Variants in PTPRA observed in about 807,000 individuals in gnomAD.
PTPRA encodes the protein protein tyrosine phosphatase receptor type A, also known as receptor-type tyrosine-protein phosphatase alpha.
A neutral mutation model predicts 104.8 loss-of-function variants in PTPRA; 25 were observed. The ratio of observed to expected loss-of-function variants is 0.24; its 90% CI spans 0.17 to 0.33. The LOEUF (loss-of-function observed/expected upper bound fraction) is 0.33. Ranked by LOEUF, PTPRA falls within the 10% of genes least tolerant of loss-of-function variation. The pLI is 1.00. For synonymous variants in PTPRA, 323 were observed against 368.9 expected, an observed-to-expected ratio of 0.88 and a Z score of 1.43; for missense variants, 765 against 1,015.3, an observed-to-expected ratio of 0.75 and a Z score of 3.35.
chr20:2,984,941 C>T (rs2062838875), intron 6 of PTPRA, among the ~76,000 whole-genome samples: 1 of 152,184 alleles, frequency 6.6e-6, no homozygotes. Flanking sequence ...CTTTCTCTCT[C>T]CCCACCCTGC....
chr20:2,976,135 G>A (rs2062422655), intron 6 of PTPRA, among the ~76,000 whole-genome samples: 1 of 152,158 alleles, frequency 6.6e-6, no homozygotes, highest in African/African-American at 2.4e-5. Context: ...GAATAGTGAG[G>A]TGTTACCATA....
chr20:2,989,403 G>A (rs1389449034), intron 9 of PTPRA, among the ~76,000 whole-genome samples: 3 of 152,112 alleles, frequency 2.0e-5, no homozygotes, highest in East Asian at 1.9e-4. Flanking sequence ...ACTGCACTCT[G>A]ACCTGGCGAC....
intron 3 of PTPRA, among the ~76,000 whole-genome samples, chr20:2,956,700 G>A (rs2061550057): frequency 6.6e-6 from 1 of 151,222 alleles, no homozygotes; most frequent in African/African-American, 2.4e-5. Context: ...AAATAAATCA[G>A]CCATAATTTA....
At chr20:2,934,324 G>C (rs188091330) in intron 2 of PTPRA, among the ~76,000 whole-genome samples, 2 of 152,138 alleles carry the variant, frequency 1.3e-5, no homozygotes, top group Non-Finnish European at 2.9e-5. Flanking sequence ...GCCTGGTCTT[G>C]AACTCCTGGG....
intron 2 of PTPRA, among the ~76,000 whole-genome samples, chr20:2,938,512 AT>A (rs892978123): frequency 0.014 from 2,142 of 148,960 alleles, 49 homozygotes; most frequent in African/African-American, 0.048. Context: ...TATTTCTTAA[AT>A]TTTTTTTTTT....
At position 2,928,360 on chromosome 20, in the gene PTPRA, G is replaced by C. The variant is rs1432008327; in HGVS notation, c.-50+5075G>C. Among the ~76,000 whole-genome samples the C allele has an allele frequency of 1.8e-4, 27 of 151,952 alleles. No homozygotes were observed. The East Asian group carries it at 4.5e-3, about 25-fold the overall frequency. On this transcript the variant is annotated intron_variant, in intron 2 of 23. Coordinates refer to ENST00000399903, the MANE Select transcript of PTPRA (RefSeq NM_001385305.1). Reference sequence around the variant, plus strand: ...CTGTGTTAGCTGATCTGCCCTCCTTGGCCTCCCAAAGTGCTGGGATTACAG... The same window carrying C: ...CTGTGTTAGCTGATCTGCCCTCCTTCGCCTCCCAAAGTGCTGGGATTACAG...
intron 2 of PTPRA, among the ~76,000 whole-genome samples, chr20:2,931,468 G>C (rs1202188945): frequency 2.0e-5 from 3 of 152,150 alleles, no homozygotes; most frequent in Non-Finnish European, 1.5e-5. Flanking sequence ...TTGGAGAATG[G>C]TGATGTATGT....
chr20:3,018,750 A>G (rs1233463048), intron 13 of PTPRA, among the ~76,000 whole-genome samples: 2 of 149,248 alleles, frequency 1.3e-5, no homozygotes, highest in Non-Finnish European at 3.0e-5. Flanking sequence ...CACACCTCCC[A>G]GACGGGGTGG....
At chr20:2,910,044 AATAT>A (rs1346355408) in intron 1 of PTPRA, among the ~76,000 whole-genome samples, 1 of 124,364 alleles carries the variant, frequency 8.0e-6, no homozygotes, top group African/African-American at 3.2e-5. Flanking sequence ...TATCATATAT[AATAT>A]ATATCATATC....
At chr20:2,915,425 C>T (rs1295057557) in intron 1 of PTPRA, among the ~76,000 whole-genome samples, 3 of 152,058 alleles carry the variant, frequency 2.0e-5, no homozygotes, top group African/African-American at 7.2e-5. Flanking sequence ...AGAAATGTCT[C>T]TTAAATTCTT....
At chr20:3,010,029 T>C (rs979065143) in intron 11 of PTPRA, among the ~76,000 whole-genome samples, 9 of 151,954 alleles carry the variant, frequency 5.9e-5, no homozygotes, top group African/African-American at 2.2e-4. Flanking sequence ...TTTGTATTTT[T>C]AGTAGAGACG....
chr20:2,886,146 T>C (rs895372566), intron 1 of PTPRA, among the ~76,000 whole-genome samples: 5 of 152,332 alleles, frequency 3.3e-5, no homozygotes, highest in Non-Finnish European at 5.9e-5. Flanking sequence ...AAACCAACTG[T>C]AAAAAGTTAT....
rs373388405 is a variant in PTPRA at position 2,953,398 on chromosome 20, C to T, written c.-7+5374C>T. 7.9e-5 allele frequency among the ~76,000 whole-genome samples: 12 copies of T among 151,740 alleles called. No homozygotes were observed. The East Asian group carries it at 1.8e-3, about 22-fold the overall frequency. On this transcript the variant is annotated intron_variant, in intron 3 of 23. Coordinates refer to ENST00000399903, the MANE Select transcript of PTPRA (RefSeq NM_001385305.1). ...GCCTCCGAGTAGCTGGGACTACAGG[C>T]GCGCGTTACCACGCCTGGCTAATTT...
intron 1 of PTPRA, among the ~76,000 whole-genome samples, chr20:2,904,063 T>C (rs2059328341): frequency 6.6e-6 from 1 of 152,036 alleles, no homozygotes; most frequent in Admixed American, 6.6e-5. Flanking sequence ...CGTGCCACCA[T>C]GCCCAGCCAA....
In PTPRA at chr20:2,924,969, G is replaced by A. The variant is rs971518672; in HGVS notation, c.-50+1684G>A. ...GCTGGGATTACAGGCATGAGCCACC[G>A]CGCCCGGCCTGAAAAGGTTTTACAT... On this transcript the variant is annotated intron_variant, in intron 2 of 23. Transcript: ENST00000399903. 1.1e-4 allele frequency among the ~76,000 whole-genome samples: 17 copies of A among 152,144 alleles called. No homozygotes were observed. The South Asian group carries it at 2.9e-3, about 26-fold the overall frequency.
rs1004884870 is a variant in PTPRA at position 2,950,504 on chromosome 20, G to A, written c.-7+2480G>A. Among the ~76,000 whole-genome samples the A allele has an allele frequency of 2.6e-5, 4 of 151,776 alleles. No individual in the cohort carries two copies. Among genetic ancestry groups the A allele is most frequent in the Admixed American group, 1.3e-4 (2 of 15,232 alleles). On this transcript the variant is annotated intron_variant, in intron 3 of 23. Transcript: ENST00000399903. The surrounding 1 kb of genome is among the most constrained non-coding windows in gnomAD (Gnocchi z 4.0). ...ATACAAAAAAAAAAATTAGCCGGGCGTGGTGGCAGGCACCTGTAGTCCCAG... is the reference window on the plus strand; with the variant it reads ...ATACAAAAAAAAAAATTAGCCGGGCATGGTGGCAGGCACCTGTAGTCCCAG...
At chr20:3,026,367 G>A (rs1394463431) in intron 17 of PTPRA, among the ~76,000 whole-genome samples, 3 of 152,272 alleles carry the variant, frequency 2.0e-5, no homozygotes, top group African/African-American at 7.2e-5. Context: ...TTTTTGAAGA[G>A]CCTTAGGCAG....
intron 5 of PTPRA, among the ~76,000 whole-genome samples, chr20:2,968,565 T>C (rs530211417): frequency 1.2e-4 from 18 of 152,192 alleles, no homozygotes; most frequent in South Asian, 4.1e-4. Context: ...CTTTAATCTT[T>C]AAAATTTTTC....
intron 1 of PTPRA, among the ~76,000 whole-genome samples, chr20:2,913,846 A>T (rs777057109): frequency 6.6e-6 from 1 of 152,198 alleles, no homozygotes; most frequent in Non-Finnish European, 1.5e-5. Context: ...CAATGTAAGT[A>T]TCCCATTCCT....
Sources: gnomAD v4.1 joint callset for allele counts (sites outside exome capture counted in the v4.1 genomes callset) on GRCh38, gnomAD v4.1.1 for gene constraint, Gnocchi (gnomAD v3.1) non-coding constraint, MANE v1.5 for transcripts, NCBI Gene and HGNC (gene_info 2026-07-23, HGNC 2026-07-21) for gene names.